TYRO3: variants seen among roughly 807,000 people sequenced by gnomAD.
TYRO3 encodes the protein TYRO3 protein tyrosine kinase, also known as tyrosine-protein kinase receptor TYRO3.
TYRO3 carries 38 observed loss-of-function variants against 95.2 expected under a neutral mutation model. The observed-to-expected ratio is 0.40, with a 90% CI of 0.31 to 0.52. The LOEUF (loss-of-function observed/expected upper bound fraction) is 0.52. TYRO3 is among the 20% of genes least tolerant of loss of function. The pLI is 0.56. For synonymous variants in TYRO3, 367 were observed against 432.9 expected, an observed-to-expected ratio of 0.85 and a Z score of 1.89; for missense variants, 812 against 1,116.4, an observed-to-expected ratio of 0.73 and a Z score of 3.89.
chr15:41,573,144 C>A (rs1279736044), intron 16 of TYRO3, 33 bp downstream of exon 16: 2 of 1,176,482 alleles, frequency 1.7e-6, no homozygotes, highest in Admixed American at 4.1e-5. Flanking sequence ...GGGTGGGAGA[C>A]AGCAGCAGGT....
intron 18 of TYRO3, 68 bp from the exon 19 acceptor site, chr15:41,577,816 CAT>C (rs1340216167): frequency 1.3e-6 from 2 of 1,510,872 alleles, no homozygotes; most frequent in Admixed American, 3.9e-5. Context: ...ACCCTAGTGC[CAT>C]ATGATGAAGG....
At chr15:41,566,320 TAAAAAAAAAAAAAAA>T (rs57924730) in intron 6 of TYRO3, among the ~76,000 whole-genome samples, 14 of 40,950 alleles carry the variant, frequency 3.4e-4, no homozygotes, top group Non-Finnish European at 4.5e-4. Flanking sequence ...CTGTCTCTAT[TAAAAAAAAAAAAAAA>T]AAAAAAAAAA....
Position 41,573,666 on chromosome 15 carries a change from G to A in TYRO3, c.2146-13G>A, listed in dbSNP as rs746062599. 1.9e-6 allele frequency: 3 copies of A among 1,614,112 alleles called. No individual in the cohort carries two copies. The highest frequency in any genetic ancestry group is 1.7e-5 in the Admixed American group (1 of 60,008). On this transcript the variant is annotated splice_polypyrimidine_tract_variant and intron_variant, in intron 17 of 18. Coordinates refer to ENST00000263798, the MANE Select transcript of TYRO3 (RefSeq NM_006293.4). ...TAGTGACAGCTTCTCCCCCAACCTCGATTCTGTCCCAGTGGGCGTTCGGGG... is the reference window on the plus strand; with the variant it reads ...TAGTGACAGCTTCTCCCCCAACCTCAATTCTGTCCCAGTGGGCGTTCGGGG...
At position 41,573,151 on chromosome 15, in the gene TYRO3, A is replaced by G. The variant is rs534524465; in HGVS notation, c.1985+40A>G. 102 of 1,597,688 alleles carry G rather than the reference A, an allele frequency of 6.4e-5. No homozygotes were observed. In the South Asian group the frequency reaches 1.1e-3, roughly 17 times the overall value. ...GGACTCGAGGGTGGGAGACAGCAGCAGGTGCCAAGAGGAGCTAGCTGATGG... is the reference window on the plus strand; with the variant it reads ...GGACTCGAGGGTGGGAGACAGCAGCGGGTGCCAAGAGGAGCTAGCTGATGG... On this transcript the variant is annotated intron_variant, in intron 16 of 18. Coordinates refer to ENST00000263798, the MANE Select transcript of TYRO3 (RefSeq NM_006293.4).
chr15:41,566,696 G>A (rs1270121135), intron 6 of TYRO3, among the ~76,000 whole-genome samples: 1 of 152,210 alleles, frequency 6.6e-6, no homozygotes, highest in Non-Finnish European at 1.5e-5. Context: ...CTTGGCTTCA[G>A]GCCAGCTCTT....
Position 41,559,274 on chromosome 15 carries a change from G to T in TYRO3, c.17G>T (p.Ser6Ile), listed in dbSNP as rs2052127655. ...TCGCCGCCGATGGCGCTGAGGCGGA[G>T]CATGGGGCGGCCGGGGCTCCCGCCG... MALRR[S>I]MGRPGLPPLP... The change falls in exon 1 of 19, where the codon AGC (serine) becomes ATC (isoleucine). Residue 6 changes from serine to isoleucine, a missense_variant. By Grantham distance (142) the Ser-to-Ile change is moderately radical. Transcript: ENST00000263798. 2 of 479,900 alleles carry T rather than the reference G, an allele frequency of 4.2e-6. No homozygotes were observed. The highest frequency in any genetic ancestry group is 6.3e-6 in the Non-Finnish European group (2 of 316,116). The allele number at this position is 479,900 out of a possible 1,614,324, so 29.7% of individuals were successfully genotyped here.
rs201515583 is a variant in TYRO3, at chr15:41,568,320, G to T, written c.1065G>T (p.Leu355=). The change falls in exon 8 of 19, where the codon CTG becomes CTT. Residue 355 remains leucine (L), a synonymous_variant. Transcript: ENST00000263798. ...VIPEAPLEGP[L]GPYKLSWVQD... ...CCGAGGCCCCTTTGGAAGGCCCCCT[G>T]GGACCCTACAAACTGTCCTGGGTTC... is the stretch of plus-strand genomic sequence containing the variant. 8.1e-6 allele frequency: 13 copies of T among 1,614,080 alleles called. No individual in the cohort carries two copies. The highest frequency in any genetic ancestry group is 2.5e-6 in the Non-Finnish European group (3 of 1,179,992).
chr15:41,565,280 A>T, intron 6 of TYRO3, 139 bp downstream of exon 6: 1 of 621,508 alleles, frequency 1.6e-6, no homozygotes, highest in Non-Finnish European at 2.9e-6. Context: ...CAGGAAGAAC[A>T]CAGGCCACTG....
chr15:41,559,381 G>A lies in TYRO3; in HGVS notation c.124G>A (p.Gly42Ser). Reference protein sequence around the residue: ...SLLLPESAAAGLKLMGAPVKL... With the variant: ...SLLLPESAAASLKLMGAPVKL... Reference sequence around the variant, plus strand: ...GCTGCTCCCGGAGTCCGCCGCCGCAGGTAGGGGCTGGCACGGGAGGCGGCG... The same window carrying A: ...GCTGCTCCCGGAGTCCGCCGCCGCAAGTAGGGGCTGGCACGGGAGGCGGCG... The change falls in exon 1 of 19, where the codon GGT becomes AGT. Residue 42 changes from glycine to serine, a missense_variant and splice_region_variant. By Grantham distance (56) the Gly-to-Ser change is moderately conservative (BLOSUM62 0). Coordinates refer to ENST00000263798, the MANE Select transcript of TYRO3 (RefSeq NM_006293.4). The A allele has an allele frequency of 2.8e-6, 1 of 353,794 alleles. No homozygotes were observed. The highest frequency in any genetic ancestry group is 5.1e-6 in the Non-Finnish European group (1 of 197,642). The allele number at this position is 353,794 out of a possible 1,614,324, so 21.9% of individuals were successfully genotyped here.
chr15:41,562,273 C>G (rs1231563715), intron 3 of TYRO3: 2 of 293,736 alleles, frequency 6.8e-6, no homozygotes, highest in Non-Finnish European at 1.2e-5. Flanking sequence ...ATCACTTGAG[C>G]CCCCAGGAGT....
At chr15:41,564,996 T>G (rs769432628) in intron 5 of TYRO3, 30 bp from the exon 6 acceptor site, 5 of 1,433,980 alleles carry the variant, frequency 3.5e-6, no homozygotes, top group Non-Finnish European at 4.9e-6. Flanking sequence ...ATATCCCTAC[T>G]GGGCACTGAT....
Position 41,581,828 on chromosome 15 carries a change from A to AG in TYRO3, c.*3552_*3553insG, listed in dbSNP as rs2055926076. On this transcript the variant is annotated 3_prime_UTR_variant, in exon 19 of 19. Transcript: ENST00000263798. ...GGGTGACAGAGCGAGACTCCATCTC[A>AG]AAAAAAAAAAAAAAAAAAAGAGGCC... is the stretch of plus-strand genomic sequence containing the variant. 2.9e-5 allele frequency: 1 copy of AG among 34,636 alleles called. No homozygotes were observed. Among genetic ancestry groups the AG allele is most frequent in the Admixed American group, 3.8e-4 (1 of 2,624 alleles). 2.1% of individuals were successfully genotyped at this position (34,636 alleles called of 1,614,324 possible).
At chr15:41,561,972 C>A in intron 3 of TYRO3, 1 of 257,490 alleles carries the variant, frequency 3.9e-6, no homozygotes, top group Non-Finnish European at 7.5e-6. Flanking sequence ...GGCTCTGCAG[C>A]TGCGGGAGCT....
rs2055705595 is a variant in TYRO3 at position 41,565,127 on chromosome 15, T to A, written c.769T>A (p.Ser257Thr). 1 of 1,611,656 alleles carries A rather than the reference T, an allele frequency of 6.2e-7. No homozygotes were observed. Among genetic ancestry groups the A allele is most frequent in the Non-Finnish European group, 8.5e-7 (1 of 1,178,866 alleles). The change falls in exon 6 of 19, where the codon TCC becomes ACC. Residue 257 changes from serine (S) to threonine (T), a missense_variant. Physicochemically the swap from Ser to Thr is moderately conservative, Grantham distance 58 (BLOSUM62 1). Transcript: ENST00000263798. ...PGADGRALLQ[S>T]CTVQVTQAPG... ...TGCTGATGGCCGAGCTCTGCTACAG[T>A]CCTGTACAGTTCAGGTAGGCTCTCC...
rs561681625 is a variant in TYRO3 at position 41,582,686 on chromosome 15, G to A, written c.*4410G>A. The A allele has an allele frequency of 2.0e-5, 3 of 152,114 alleles. No homozygotes were observed. The East Asian group carries it at 5.8e-4, about 29-fold the overall frequency. The allele number at this position is 152,114 out of a possible 1,614,324, so 9.4% of individuals were successfully genotyped here. A position where few individuals can be genotyped will look rare whatever the true frequency, so the allele number is the denominator to read the frequency against. ...AAGAGTGAGACTCCATCTCAAAAAA[G>A]AAAATAATAATAATATAGTTTATTT... On this transcript the variant is annotated 3_prime_UTR_variant, in exon 19 of 19. Transcript: ENST00000263798.
chr15:41,559,509 G>C (rs2052135064), intron 1 of TYRO3, 128 bp downstream of exon 1: 1 of 274,190 alleles, frequency 3.6e-6, no homozygotes, highest in Non-Finnish European at 6.8e-6. Context: ...GCCGAGGCTC[G>C]GAGCCGGGAC....
chr15:41,564,178 C>A lies in TYRO3; in HGVS notation c.581-6C>A, dbSNP rs201165681. 910 of 1,214,836 alleles carry A rather than the reference C, an allele frequency of 7.5e-4. 10 individuals carry two copies. The highest frequency in any genetic ancestry group is 4.5e-3 in the South Asian group (375 of 84,062). 75.3% of individuals were successfully genotyped at this position (1,214,836 alleles called of 1,614,324 possible). On this transcript the variant is annotated splice_region_variant and splice_polypyrimidine_tract_variant and intron_variant, in intron 4 of 18. Coordinates refer to ENST00000263798, the MANE Select transcript of TYRO3 (RefSeq NM_006293.4). ...TGGGGAGCTGACTGAGGTTTTCTGG[C>A]CCCAGGGGTGACCCAGAGCACCATG...
chr15:41,561,390 C>T, intron 2 of TYRO3, 80 bp downstream of exon 2: 2 of 1,575,362 alleles, frequency 1.3e-6, no homozygotes, highest in South Asian at 1.1e-5. Context: ...GGAGCTGGGG[C>T]CCTCTCCTGA....
At chr15:41,571,921 G>A (rs1292117007) in intron 14 of TYRO3, among the ~76,000 whole-genome samples, 1 of 152,048 alleles carries the variant, frequency 6.6e-6, no homozygotes, top group Non-Finnish European at 1.5e-5. Flanking sequence ...ACTTTGGGAG[G>A]CTGAGGTGGG....
Sources: allele counts gnomAD v4.1 joint callset (sites outside exome capture counted in the v4.1 genomes callset), GRCh38; gene constraint gnomAD v4.1.1; transcripts MANE v1.5; gene names NCBI Gene and HGNC (gene_info 2026-07-23, HGNC 2026-07-21).